TRHDE: variants seen among roughly 807,000 people sequenced by gnomAD.
TRHDE encodes thyrotropin-releasing hormone-degrading ectoenzyme.
Under a neutral mutation model 125.7 loss-of-function variants are expected in TRHDE, and 72 were observed. The ratio of observed to expected loss-of-function variants is 0.57; its 90% CI spans 0.47 to 0.70. The LOEUF is 0.70. Among genes scored for constraint, TRHDE ranks in the 30% least tolerant of loss-of-function variants. TRHDE has a pLI of 0.00. For missense variants in TRHDE, 1,110 were observed against 1,327.1 expected (o/e 0.84, Z 2.54); for synonymous variants, 509 against 509.1 (o/e 1.00, Z 0.00).
At chr12:72,492,597 C>A in intron 5 of TRHDE, among the ~76,000 whole-genome samples, 1 of 151,726 alleles carries the variant, frequency 6.6e-6, no homozygotes, top group Non-Finnish European at 1.5e-5. Flanking sequence ...TATTTCTCTG[C>A]TTTAACCTTT....
At chr12:72,175,369 A>G (rs1422639417) in intron 2 of TRHDE, among the ~76,000 whole-genome samples, 3 of 152,200 alleles carry the variant, frequency 2.0e-5, no homozygotes, top group Non-Finnish European at 4.4e-5. Flanking sequence ...GGTGTTTGCA[A>G]AAGGGCCTCA....
At chr12:72,299,085 T>C (rs1471206514) in intron 2 of TRHDE, among the ~76,000 whole-genome samples, 1 of 152,208 alleles carries the variant, frequency 6.6e-6, no homozygotes. Flanking sequence ...CAGATTCAAA[T>C]GGTTCTTATA....
chr12:72,568,447 T>A (rs1025324336), intron 9 of TRHDE, 121 bp from the exon 10 acceptor site: 1 of 428,928 alleles, frequency 2.3e-6, no homozygotes, highest in Non-Finnish European at 4.0e-6. Flanking sequence ...ACCGGAATTA[T>A]TTTTTTTTAG....
intron 2 of TRHDE, among the ~76,000 whole-genome samples, chr12:72,377,463 A>C (rs1367059869): frequency 6.6e-6 from 1 of 152,148 alleles, no homozygotes; most frequent in Non-Finnish European, 1.5e-5. Flanking sequence ...GCTTGTGTAC[A>C]TGAAAAGTTT....
intron 12 of TRHDE, among the ~76,000 whole-genome samples, chr12:72,579,269 G>T (rs2136033344): frequency 6.6e-6 from 1 of 151,986 alleles, no homozygotes. Flanking sequence ...CTCAAATCCT[G>T]CATTATAATG....
intron 3 of TRHDE, among the ~76,000 whole-genome samples, chr12:72,414,238 G>A (rs1244174293): frequency 3.3e-5 from 5 of 151,988 alleles, no homozygotes; most frequent in Admixed American, 6.6e-5. Flanking sequence ...ATAAACTGAC[G>A]AGTTTTTAAG....
chr12:72,332,885 C>T (rs567585092), intron 2 of TRHDE, among the ~76,000 whole-genome samples: 7 of 152,150 alleles, frequency 4.6e-5, no homozygotes, highest in Non-Finnish European at 8.8e-5. Flanking sequence ...CACATTTAAA[C>T]GATATTCTGA....
chr12:72,183,429 C>T (rs942354808), intron 2 of TRHDE, among the ~76,000 whole-genome samples: 4 of 152,168 alleles, frequency 2.6e-5, no homozygotes, highest in Non-Finnish European at 5.9e-5. Context: ...TTATTAAACG[C>T]TTTCTTTAGA....
At chr12:72,556,794 T>C (rs2136004216) in intron 7 of TRHDE, among the ~76,000 whole-genome samples, 1 of 152,272 alleles carries the variant, frequency 6.6e-6, no homozygotes, top group African/African-American at 2.4e-5. Flanking sequence ...AAAGCAACAA[T>C]ATTTCAAACT....
chr12:72,373,343 C>T (rs1037367062), intron 2 of TRHDE, among the ~76,000 whole-genome samples: 1 of 152,090 alleles, frequency 6.6e-6, no homozygotes, highest in Non-Finnish European at 1.5e-5. Context: ...CAAACAGGGA[C>T]AATTTGACTT....
At chr12:72,120,050 T>G in intron 2 of TRHDE, among the ~76,000 whole-genome samples, 1 of 151,922 alleles carries the variant, frequency 6.6e-6, no homozygotes, top group East Asian at 1.9e-4. Context: ...AGTAAGGACT[T>G]TCTCTTCTCT....
chr12:72,640,229 G>A (rs888943756), intron 15 of TRHDE, among the ~76,000 whole-genome samples: 18 of 152,190 alleles, frequency 1.2e-4, no homozygotes, highest in Admixed American at 2.0e-4. Flanking sequence ...TAAGCCCGTC[G>A]GAAAAGCACA....
intron 1 of TRHDE, among the ~76,000 whole-genome samples, chr12:72,276,051 T>G (rs1879476653): frequency 6.6e-6 from 1 of 152,144 alleles, no homozygotes; most frequent in Non-Finnish European, 1.5e-5. Context: ...ACAAAAGAAA[T>G]AAATCTAATA....
intron 2 of TRHDE, among the ~76,000 whole-genome samples, chr12:72,174,676 T>C (rs1274177506): frequency 6.6e-6 from 1 of 152,184 alleles, no homozygotes; most frequent in Non-Finnish European, 1.5e-5. Flanking sequence ...TGATGTTTCT[T>C]TATGATTAGA....
chr12:72,236,411 G>A (rs1049466929), intron 2 of TRHDE, among the ~76,000 whole-genome samples: 1 of 149,898 alleles, frequency 6.7e-6, no homozygotes, highest in Admixed American at 6.6e-5. Flanking sequence ...TTATTTGCAG[G>A]AACTTGAAGC....
intron 2 of TRHDE, among the ~76,000 whole-genome samples, chr12:72,220,910 GC>G (rs1428775883): frequency 6.6e-6 from 1 of 151,980 alleles, no homozygotes; most frequent in African/African-American, 2.4e-5. Flanking sequence ...TTCTAAGAGA[GC>G]TTTAAATAAA....
chr12:72,425,906 A>T (rs1252635813), intron 3 of TRHDE, among the ~76,000 whole-genome samples: 1 of 151,752 alleles, frequency 6.6e-6, no homozygotes, highest in Admixed American at 6.6e-5. Context: ...AAGCTCTAGA[A>T]CTATTGGAGT....
chr12:72,500,905 G>A (rs918033515), intron 6 of TRHDE, among the ~76,000 whole-genome samples: 1 of 119,816 alleles, frequency 8.3e-6, no homozygotes, highest in African/African-American at 3.1e-5. Context: ...ATGAGTTTAA[G>A]AATGAGTTTG....
chr12:72,296,688 G>A (rs971105714), intron 2 of TRHDE, among the ~76,000 whole-genome samples: 4 of 151,950 alleles, frequency 2.6e-5, no homozygotes, highest in Admixed American at 2.0e-4. Context: ...GGTCTGCAGT[G>A]GTATCAGAAG....
Sources: gnomAD v4.1 joint callset for allele counts (sites outside exome capture counted in the v4.1 genomes callset) on GRCh38, gnomAD v4.1.1 for gene constraint, MANE v1.5 for transcripts, NCBI Gene and HGNC (gene_info 2026-07-23, HGNC 2026-07-21) for gene names.